ABCC1: variants seen among roughly 807,000 people sequenced by gnomAD.
ABCC1 encodes multidrug resistance-associated protein 1.
ABCC1 carries 83 observed loss-of-function variants against 172.9 expected under a neutral mutation model. The observed-to-expected ratio is 0.48, with a 90% CI of 0.40 to 0.58. The LOEUF (loss-of-function observed/expected upper bound fraction) is 0.58, where lower values mean the gene tolerates loss of function less well. Ranked by LOEUF, ABCC1 falls within the 20% of genes least tolerant of loss-of-function variation. The pLI is 0.00. For synonymous variants in ABCC1, 937 were observed against 825.2 expected, an observed-to-expected ratio of 1.14 and a Z score of -2.32; for missense variants, 1,817 against 2,002.7, an observed-to-expected ratio of 0.91 and a Z score of 1.77.
chr16:16,022,053 A>G (rs1236391668), intron 5 of ABCC1, among the ~76,000 whole-genome samples: 1 of 152,210 alleles, frequency 6.6e-6, no homozygotes, highest in Non-Finnish European at 1.5e-5. Flanking sequence ...GGGAGAGTCC[A>G]GGCTTGCTGC....
intron 1 of ABCC1, among the ~76,000 whole-genome samples, chr16:15,955,823 T>C (rs999841037): frequency 2.6e-5 from 4 of 152,186 alleles, no homozygotes; most frequent in Non-Finnish European, 5.9e-5. Context: ...ATCGGCTCCA[T>C]AGGGGCAGGG....
intron 5 of ABCC1, among the ~76,000 whole-genome samples, chr16:16,021,035 C>T (rs246214): frequency 0.15 from 23,041 of 152,106 alleles, 2,087 homozygotes; most frequent in East Asian, 0.37. Context: ...AGAGGCTTCA[C>T]GTGGCAGTAT....
Position 16,083,436 on chromosome 16 carries a change from G to C in ABCC1, c.2186G>C (p.Gly729Ala). Residue 729 changes from glycine to alanine, a missense_variant, in exon 17 of 31, where the codon GGA (glycine) becomes GCA (alanine). Gly to Ala is a moderately conservative substitution (Grantham distance 60, BLOSUM62 0). Transcript: ENST00000399410. ...TCTCTCCGAGAAAACATCCTTTTTG[G>C]ATGTCAGCTGGAGGAACCATATTAC... ...NDSLRENILFGCQLEEPYYRS... is the reference protein window; with the variant it reads ...NDSLRENILFACQLEEPYYRS... 6.2e-7 allele frequency: 1 copy of C among 1,613,978 alleles called. No individual in the cohort carries two copies. Among genetic ancestry groups the C allele is most frequent in the Non-Finnish European group, 8.5e-7 (1 of 1,180,044 alleles).
At chr16:16,004,560 G>A (rs955845313) in intron 1 of ABCC1, among the ~76,000 whole-genome samples, 1 of 151,948 alleles carries the variant, frequency 6.6e-6, no homozygotes, top group East Asian at 1.9e-4. Context: ...TTCCAAATAC[G>A]CCAGGCCAAA....
intron 12 of ABCC1, among the ~76,000 whole-genome samples, chr16:16,059,719 C>T (rs141737114): frequency 5.9e-5 from 9 of 152,052 alleles, no homozygotes; most frequent in South Asian, 2.1e-4. Flanking sequence ...GCAGGAGGAT[C>T]GCTTCAACCC....
At chr16:16,103,782 G>A (rs1366750899) in intron 20 of ABCC1, among the ~76,000 whole-genome samples, 1 of 152,182 alleles carries the variant, frequency 6.6e-6, no homozygotes, top group East Asian at 1.9e-4. Context: ...CTTCGTAGAT[G>A]TCGCTTTTGC....
chr16:16,039,155 T>A (rs990906060), intron 7 of ABCC1, among the ~76,000 whole-genome samples: 20 of 151,332 alleles, frequency 1.3e-4, no homozygotes, highest in Admixed American at 2.6e-4. Flanking sequence ...AGAATGATGG[T>A]GTTGGGGTGA....
intron 1 of ABCC1, among the ~76,000 whole-genome samples, chr16:15,975,342 C>T (rs1010390462): frequency 6.6e-6 from 1 of 151,996 alleles, no homozygotes; most frequent in Non-Finnish European, 1.5e-5. Flanking sequence ...TGGGAGTTCT[C>T]CTGGTTTTTT....
intron 28 of ABCC1, among the ~76,000 whole-genome samples, chr16:16,135,235 A>G (rs45561839): frequency 1.3e-5 from 2 of 152,214 alleles, no homozygotes; most frequent in East Asian, 1.9e-4. Context: ...TGTGATGCTG[A>G]TGCTTCGGCT....
At chr16:16,097,385 T>G (rs1355465681) in intron 19 of ABCC1, among the ~76,000 whole-genome samples, 1 of 152,224 alleles carries the variant, frequency 6.6e-6, no homozygotes, top group African/African-American at 2.4e-5. Flanking sequence ...AGTGCTGGGA[T>G]TACAGGCATG....
At chr16:16,005,139 T>C (rs1027009427) in intron 1 of ABCC1, among the ~76,000 whole-genome samples, 1 of 150,096 alleles carries the variant, frequency 6.7e-6, no homozygotes, top group Non-Finnish European at 1.5e-5. Context: ...TGACACTCCA[T>C]GGGGGTCTCA....
intron 5 of ABCC1, among the ~76,000 whole-genome samples, chr16:16,026,465 CTTTTTTTT>C (rs1157942197): frequency 0.12 from 11,736 of 95,210 alleles, 632 homozygotes; most frequent in African/African-American, 0.22. Flanking sequence ...AGGCTATTTC[CTTTTTTTT>C]TTTTTTTTTT....
At chr16:16,090,226 C>T (rs190896573) in intron 18 of ABCC1, among the ~76,000 whole-genome samples, 179 bp from the exon 19 acceptor site, 43 of 152,308 alleles carry the variant, frequency 2.8e-4, no homozygotes, top group Admixed American at 1.2e-3. Context: ...GTTACAGGAC[C>T]GTGTGCACAG....
intron 1 of ABCC1, among the ~76,000 whole-genome samples, chr16:15,961,296 A>G (rs1350486784): frequency 6.6e-6 from 1 of 152,206 alleles, no homozygotes; most frequent in Non-Finnish European, 1.5e-5. Context: ...TGTTCGTAAG[A>G]TGATGAGGTA....
chr16:16,137,828 T>C (rs769534962), intron 29 of ABCC1, among the ~76,000 whole-genome samples: 1 of 151,988 alleles, frequency 6.6e-6, no homozygotes, highest in Non-Finnish European at 1.5e-5. Context: ...GCTGGGATAC[T>C]AGGTGTGAGC....
At chr16:16,076,486 C>T (rs1596466891) in intron 15 of ABCC1, 85 bp downstream of exon 15, 1 of 1,322,742 alleles carries the variant, frequency 7.6e-7, no homozygotes, top group East Asian at 2.6e-5. Context: ...CCACCGTGCT[C>T]CCTCTCTGTG....
At chr16:15,953,359 T>C (rs2045920052) in intron 1 of ABCC1, among the ~76,000 whole-genome samples, 1 of 151,944 alleles carries the variant, frequency 6.6e-6, no homozygotes, top group Non-Finnish European at 1.5e-5. Context: ...CTTCAGGCCC[T>C]GTGTAGAAAA....
intron 26 of ABCC1, among the ~76,000 whole-genome samples, chr16:16,130,368 G>T (rs1181511806): frequency 6.6e-6 from 1 of 151,884 alleles, no homozygotes; most frequent in Admixed American, 6.6e-5. Flanking sequence ...AGTTTTATTG[G>T]CATCTAAAAA....
At chr16:16,111,338 G>A in intron 21 of ABCC1, 37 bp from the exon 22 acceptor site, 1 of 1,588,286 alleles carries the variant, frequency 6.3e-7, no homozygotes, top group East Asian at 2.2e-5. Context: ...CTGGGTGCGT[G>A]CATGTGCTAA....
Sources: gnomAD v4.1 joint callset for allele counts (sites outside exome capture counted in the v4.1 genomes callset) on GRCh38, gnomAD v4.1.1 for gene constraint, MANE v1.5 for transcripts, NCBI Gene and HGNC (gene_info 2026-07-23, HGNC 2026-07-21) for gene names.